Variants in PIP4K2A observed in about 807,000 individuals in gnomAD.
The protein encoded by PIP4K2A is phosphatidylinositol-5-phosphate 4-kinase type 2 alpha.
In PIP4K2A, 14 loss-of-function variants were observed where a neutral mutation model predicts 42.9. The observed-to-expected ratio is 0.33, with a 90% CI of 0.22 to 0.51. The LOEUF (loss-of-function observed/expected upper bound fraction) is 0.51. Among genes scored for constraint, PIP4K2A ranks in the 20% least tolerant of loss-of-function variants. The pLI is 0.97. For synonymous variants in PIP4K2A, 192 were observed against 192.2 expected (o/e 1.00, Z 0.01); for missense variants, 434 against 519.8 (o/e 0.83, Z 1.61).
At chr10:22,575,440 G>A (rs1837089370) in intron 4 of PIP4K2A, among the ~76,000 whole-genome samples, 1 of 152,142 alleles carries the variant, frequency 6.6e-6, no homozygotes. Context: ...TCAAGTTGCT[G>A]TGCAGAGCCA....
intron 3 of PIP4K2A, among the ~76,000 whole-genome samples, chr10:22,604,102 T>C (rs1432622373): frequency 6.6e-6 from 1 of 152,218 alleles, no homozygotes; most frequent in African/African-American, 2.4e-5. Context: ...ATTCTAGAAT[T>C]GTTCTTTGAA....
intron 1 of PIP4K2A, among the ~76,000 whole-genome samples, chr10:22,658,008 A>G (rs1017683572): frequency 1.3e-5 from 2 of 152,324 alleles, no homozygotes; most frequent in East Asian, 3.9e-4. Context: ...CTACAGAAAT[A>G]TGTGGCGCCA....
intron 1 of PIP4K2A, among the ~76,000 whole-genome samples, chr10:22,704,818 G>A (rs1389164325): frequency 3.3e-5 from 5 of 152,252 alleles, no homozygotes; most frequent in South Asian, 2.1e-4. Context: ...GGTGGGAATC[G>A]TCTATATCTG....
At chr10:22,707,923 G>A (rs988724169) in intron 1 of PIP4K2A, among the ~76,000 whole-genome samples, 3 of 152,146 alleles carry the variant, frequency 2.0e-5, no homozygotes, top group Admixed American at 1.3e-4. Flanking sequence ...GCCTCATTCT[G>A]AGGAGTCTAT....
At chr10:22,633,763 C>T (rs1240826121) in intron 1 of PIP4K2A, among the ~76,000 whole-genome samples, 3 of 152,186 alleles carry the variant, frequency 2.0e-5, no homozygotes, top group Non-Finnish European at 4.4e-5. Context: ...GCTAAACACT[C>T]GCATGTAGTT....
At chr10:22,682,686 T>C (rs1231259302) in intron 1 of PIP4K2A, among the ~76,000 whole-genome samples, 1 of 152,210 alleles carries the variant, frequency 6.6e-6, no homozygotes, top group Non-Finnish European at 1.5e-5. Flanking sequence ...TCAGAGTATC[T>C]GTTCTTCCAT....
chr10:22,607,500 T>A (rs905651200), intron 3 of PIP4K2A, among the ~76,000 whole-genome samples: 1 of 152,032 alleles, frequency 6.6e-6, no homozygotes, highest in Non-Finnish European at 1.5e-5. Context: ...CTGACCAACT[T>A]GAAAAGCAGC....
chr10:22,539,926 A>G (rs772401854), intron 9 of PIP4K2A, 45 bp downstream of exon 9: 52 of 983,790 alleles, frequency 5.3e-5, no homozygotes, highest in East Asian at 3.6e-4. Flanking sequence ...AGAGAGAGAG[A>G]GAGAGGGAGA....
chr10:22,561,264 G>A (rs1484072229), intron 6 of PIP4K2A, among the ~76,000 whole-genome samples: 1 of 152,164 alleles, frequency 6.6e-6, no homozygotes, highest in Non-Finnish European at 1.5e-5. Context: ...GTACATGCAT[G>A]TTCTGAGACT....
chr10:22,547,248 C>T (rs1564414912), intron 7 of PIP4K2A, among the ~76,000 whole-genome samples: 3 of 152,216 alleles, frequency 2.0e-5, no homozygotes, highest in Non-Finnish European at 4.4e-5. Flanking sequence ...TATCTTACCA[C>T]TTGTTAAAAA....
chr10:22,673,218 CCCTTA>C (rs1839489242), intron 1 of PIP4K2A, among the ~76,000 whole-genome samples: 1 of 152,232 alleles, frequency 6.6e-6, no homozygotes. Flanking sequence ...TGGGTTCCTT[CCCTTA>C]CATCACAAAA....
At chr10:22,638,468 G>A (rs1316400065) in intron 1 of PIP4K2A, among the ~76,000 whole-genome samples, 1 of 152,122 alleles carries the variant, frequency 6.6e-6, no homozygotes, top group African/African-American at 2.4e-5. Flanking sequence ...TATTATTTAA[G>A]TATGTCTTAA....
At chr10:22,632,035 A>T (rs1180772029) in intron 1 of PIP4K2A, among the ~76,000 whole-genome samples, 1 of 152,138 alleles carries the variant, frequency 6.6e-6, no homozygotes, top group Admixed American at 6.5e-5. Flanking sequence ...TAATGAATGT[A>T]ATCATTAGGA....
intron 1 of PIP4K2A, among the ~76,000 whole-genome samples, chr10:22,692,464 C>T (rs1178676745): frequency 6.6e-6 from 1 of 152,054 alleles, no homozygotes; most frequent in African/African-American, 2.4e-5. Flanking sequence ...TCTTAGACAA[C>T]AGAAAATTGT....
intron 1 of PIP4K2A, among the ~76,000 whole-genome samples, chr10:22,664,092 T>TATATATATATACGTATATATATATAC (rs1839273592): frequency 9.5e-5 from 6 of 62,896 alleles, no homozygotes; most frequent in South Asian, 9.6e-4. Flanking sequence ...TATATATACA[T>TATATATATATACGTATATATATATAC]ATATATATAT....
At chr10:22,601,700 C>T (rs932641539) in intron 3 of PIP4K2A, among the ~76,000 whole-genome samples, 1 of 152,220 alleles carries the variant, frequency 6.6e-6, no homozygotes. Context: ...TGCCAATCCT[C>T]ACCACAGCTG....
chr10:22,674,144 C>G (rs1161463133), intron 1 of PIP4K2A, among the ~76,000 whole-genome samples: 2 of 152,080 alleles, frequency 1.3e-5, no homozygotes, highest in Admixed American at 6.6e-5. Context: ...GACTAACAAC[C>G]AAACATTTAG....
intron 1 of PIP4K2A, among the ~76,000 whole-genome samples, chr10:22,703,010 T>G (rs1269218409): frequency 1.3e-5 from 2 of 152,146 alleles, no homozygotes; most frequent in African/African-American, 2.4e-5. Flanking sequence ...AACAGTATGA[T>G]AGTGGAGGGG....
intron 1 of PIP4K2A, among the ~76,000 whole-genome samples, chr10:22,704,309 C>A (rs1429981197): frequency 6.6e-6 from 1 of 151,982 alleles, no homozygotes; most frequent in Non-Finnish European, 1.5e-5. Flanking sequence ...AAAAAGGAGC[C>A]CCCTGCATTT....
Sources: gnomAD v4.1 joint callset for allele counts (sites outside exome capture counted in the v4.1 genomes callset) on GRCh38, gnomAD v4.1.1 for gene constraint, MANE v1.5 for transcripts, NCBI Gene and HGNC (gene_info 2026-07-23, HGNC 2026-07-21) for gene names.